NCAPD2: variants seen among roughly 807,000 people sequenced by gnomAD.
NCAPD2 encodes the protein condensin complex subunit 1.
A neutral mutation model predicts 164.5 loss-of-function variants in NCAPD2; 100 were observed. That is an observed-to-expected ratio of 0.61 (90% CI 0.52 to 0.72). The LOEUF is 0.72. Among genes scored for constraint, NCAPD2 ranks in the 30% least tolerant of loss-of-function variants. The probability of loss-of-function intolerance (pLI) is 0.00; values close to 1 mark genes in which losing one functional copy is unlikely to be tolerated. For missense variants in NCAPD2, 1,560 were observed against 1,749.2 expected (o/e 0.89, Z 1.93); for synonymous variants, 585 against 642.6 (o/e 0.91, Z 1.36).
At chr12:6,509,251 ATTATT>A (rs1946124129) in intron 2 of NCAPD2, among the ~76,000 whole-genome samples, 3 of 151,940 alleles carry the variant, frequency 2.0e-5, no homozygotes, top group Non-Finnish European at 2.9e-5. Flanking sequence ...TATCATCATC[ATTATT>A]TTATTTTATT....
At chr12:6,518,504 G>GTTTTTTTTTTTTTTTTTTTTTTTTGTTT (rs1946227471) in intron 13 of NCAPD2, among the ~76,000 whole-genome samples, 1 of 44,774 alleles carries the variant, frequency 2.2e-5, no homozygotes, top group Non-Finnish European at 3.9e-5. Flanking sequence ...CCGTCAACAA[G>GTTTTTTTTTTTTTTTTTTTTTTTTGTTT]TTTTTTTTTT....
In NCAPD2 at chr12:6,529,081, C is replaced by G. The variant is rs112115785; in HGVS notation, c.3572+42C>G. On this transcript the variant is annotated intron_variant, in intron 27 of 31. Coordinates refer to ENST00000315579, the MANE Select transcript of NCAPD2 (RefSeq NM_014865.4). ...CCTGGGGCACATTTTCCACATAGCA[C>G]GGGCTTAGGAATCAGACACACCTGT... 1.4e-5 allele frequency: 21 copies of G among 1,551,984 alleles called. 1 individual carries two copies. In the South Asian group the frequency reaches 2.2e-4, roughly 16 times the overall value.
In NCAPD2 at chr12:6,528,312, C is replaced by G; in HGVS notation, c.3283C>G (p.Pro1095Ala). 1 of 1,613,782 alleles carries G rather than the reference C, an allele frequency of 6.2e-7. No homozygotes were observed. Among genetic ancestry groups the G allele is most frequent in the Non-Finnish European group, 8.5e-7 (1 of 1,180,042 alleles). Reference sequence around the variant, plus strand: ...TCCCAATCTGGTGGACCCCTGGACTCCTCATCTGTATGCTCGGTAAGAGAC... The same window carrying G: ...TCCCAATCTGGTGGACCCCTGGACTGCTCATCTGTATGCTCGGTAAGAGAC... ...RFPNLVDPWT[P>A]HLYARLRDPA... The change falls in exon 25 of 32, where the codon CCT becomes GCT. Residue 1095 changes from proline to alanine, a missense_variant. By Grantham distance (27) the Pro-to-Ala change is conservative. Coordinates refer to ENST00000315579, the MANE Select transcript of NCAPD2 (RefSeq NM_014865.4). The surrounding 1 kb of genome is among the most constrained non-coding windows in gnomAD (Gnocchi z 5.1).
chr12:6,513,821 T>C (rs529877186), intron 6 of NCAPD2, among the ~76,000 whole-genome samples: 2 of 148,772 alleles, frequency 1.3e-5, no homozygotes, highest in Admixed American at 6.9e-5. Flanking sequence ...GTTCAAGGGA[T>C]TCTCCTGCCT....
At chr12:6,527,642 A>G in intron 22 of NCAPD2, 135 bp from the exon 23 acceptor site, 1 of 793,456 alleles carries the variant, frequency 1.3e-6, no homozygotes, top group Non-Finnish European at 2.1e-6. Flanking sequence ...TTCTCTTTAC[A>G]GACACATTTG....
At chr12:6,506,364 G>A (rs1056766682) in intron 2 of NCAPD2, among the ~76,000 whole-genome samples, 22 of 152,010 alleles carry the variant, frequency 1.4e-4, no homozygotes, top group Non-Finnish European at 2.4e-4. Context: ...CAAAGTGGGC[G>A]GATCACGAGG....
intron 21 of NCAPD2, 137 bp downstream of exon 21, chr12:6,526,752 C>A: frequency 1.4e-6 from 2 of 1,412,694 alleles, no homozygotes; most frequent in South Asian, 1.3e-5. Flanking sequence ...GAAGTTGGGC[C>A]AGTTCCCACC....
At chr12:6,524,224 C>G (rs533176845) in intron 17 of NCAPD2, among the ~76,000 whole-genome samples, 1 of 152,214 alleles carries the variant, frequency 6.6e-6, no homozygotes, top group African/African-American at 2.4e-5. Context: ...AGGACTTAAG[C>G]TGGGTCTTGA....
intron 9 of NCAPD2, among the ~76,000 whole-genome samples, chr12:6,515,606 T>C (rs1946191538): frequency 6.6e-6 from 1 of 152,224 alleles, no homozygotes; most frequent in Non-Finnish European, 1.5e-5. Context: ...TCAATTCTCT[T>C]TTATGCCTGA....
intron 27 of NCAPD2, 75 bp downstream of exon 27, chr12:6,529,114 T>C (rs1946347448): frequency 7.5e-7 from 1 of 1,340,256 alleles, no homozygotes; most frequent in African/African-American, 1.4e-5. Context: ...TGTATTTGAA[T>C]TCCACCTCGG....
chr12:6,530,686 T>A lies in NCAPD2; in HGVS notation c.3838-5T>A, dbSNP rs200110069. On this transcript the variant is annotated splice_region_variant and splice_polypyrimidine_tract_variant and intron_variant, in intron 29 of 31. Transcript: ENST00000315579. Reference sequence around the variant, plus strand: ...CCTGCTCTGAATCTCCTTTTCTCCCTCCAGGCTATAATAGATGAATTTGAG... The same window carrying A: ...CCTGCTCTGAATCTCCTTTTCTCCCACCAGGCTATAATAGATGAATTTGAG... 98 of 1,613,916 alleles carry A rather than the reference T, an allele frequency of 6.1e-5. No homozygotes were observed. Among genetic ancestry groups the A allele is most frequent in the South Asian group, 2.6e-4 (24 of 91,062 alleles).
chr12:6,511,008 C>T (rs1946141479), intron 5 of NCAPD2, 102 bp from the exon 6 acceptor site: 1 of 1,366,592 alleles, frequency 7.3e-7, no homozygotes, highest in Non-Finnish European at 1.0e-6. Flanking sequence ...GTATTACCTT[C>T]TATGTTGTCT....
At chr12:6,511,334 G>GC in intron 6 of NCAPD2, 82 bp downstream of exon 6, 1 of 1,141,256 alleles carries the variant, frequency 8.8e-7, no homozygotes, top group Non-Finnish European at 1.2e-6. Flanking sequence ...TTTTGGTTTT[G>GC]TTTTTTTTTT....
At chr12:6,527,487 G>A (rs1946327896) in intron 22 of NCAPD2, among the ~76,000 whole-genome samples, 1 of 152,190 alleles carries the variant, frequency 6.6e-6, no homozygotes, top group South Asian at 2.1e-4. Flanking sequence ...TGACCTCTGT[G>A]ACTTTGAACC....
At position 6,526,937 on chromosome 12, in the gene NCAPD2, G is replaced by T; in HGVS notation, c.2781G>T (p.Leu927=). ...MLPTFLLMNL[L]SLAGDVALQQ... ...CCACTTTCCTGTTGATGAACCTGCT[G>T]TCCCTGGCTGGGGATGTGGCTCTGC... Residue 927 remains leucine (L), a synonymous_variant, in exon 22 of 32, where the codon CTG becomes CTT. Coordinates refer to ENST00000315579, the MANE Select transcript of NCAPD2 (RefSeq NM_014865.4). 2 of 1,614,128 alleles carry T rather than the reference G, an allele frequency of 1.2e-6. No homozygotes were observed. Among genetic ancestry groups the T allele is most frequent in the Non-Finnish European group, 1.7e-6 (2 of 1,180,010 alleles).
intron 22 of NCAPD2, 106 bp from the exon 23 acceptor site, chr12:6,527,671 T>C (rs1334506714): frequency 5.4e-6 from 5 of 928,174 alleles, no homozygotes; most frequent in Non-Finnish European, 8.4e-6. Flanking sequence ...CTAAATGTTT[T>C]TGTAGAATTT....
In NCAPD2 at chr12:6,521,885, A is replaced by G. The variant is rs1047913049; in HGVS notation, c.1802A>G (p.Asn601Ser). Residue 601 changes from asparagine (N) to serine (S), a missense_variant, in exon 15 of 32, where the codon AAT (asparagine) becomes AGT (serine). By Grantham distance (46) the Asn-to-Ser change is conservative. Transcript: ENST00000315579. ...CAGACTGTCTGTAAAAATAAACCCA[A>G]TATGTCGGATCCTGAGGAATCCAGG... ...TGQTVCKNKPNMSDPEESRGN... is the reference protein window; with the variant it reads ...TGQTVCKNKPSMSDPEESRGN... 68 of 1,613,966 alleles carry G rather than the reference A, an allele frequency of 4.2e-5. No homozygotes were observed. Among genetic ancestry groups the G allele is most frequent in the Non-Finnish European group, 5.3e-5 (63 of 1,180,012 alleles).
chr12:6,504,875 G>A (rs755609590), intron 2 of NCAPD2, among the ~76,000 whole-genome samples: 18 of 152,012 alleles, frequency 1.2e-4, no homozygotes, highest in Non-Finnish European at 2.4e-4. Flanking sequence ...GCAGACCTCC[G>A]TCCATGGTAC....
chr12:6,529,122 C>A, intron 27 of NCAPD2, 83 bp downstream of exon 27: 3 of 1,272,982 alleles, frequency 2.4e-6, no homozygotes, highest in South Asian at 1.2e-5. Flanking sequence ...AATTCCACCT[C>A]GGCTACTCTT....
Sources: allele counts gnomAD v4.1 joint callset (sites outside exome capture counted in the v4.1 genomes callset), GRCh38; gene constraint gnomAD v4.1.1; non-coding constraint Gnocchi (gnomAD v3.1); transcripts MANE v1.5; gene names NCBI Gene and HGNC (gene_info 2026-07-23, HGNC 2026-07-21).